Variants in GBGT1 observed in about 807,000 individuals in gnomAD.
GBGT1 encodes the protein globoside alpha-1,3-N-acetylgalactosaminyltransferase 1 (FORS blood group).
A neutral mutation model predicts 20.9 loss-of-function variants in GBGT1; 18 were observed. The ratio of observed to expected loss-of-function variants is 0.86; its 90% confidence interval spans 0.60 to 1.28. GBGT1 has a LOEUF of 1.28. Ranked by LOEUF, GBGT1 falls within the 50% of genes most tolerant of loss-of-function variation. GBGT1 has a pLI of 0.00. For synonymous variants in GBGT1, 168 were observed against 180.8 expected (o/e 0.93, Z 0.57); for missense variants, 432 against 455.7 (o/e 0.95, Z 0.47).
At position 133,155,322 on chromosome 9, in the gene GBGT1, G is replaced by T. The variant is rs1271490934; in HGVS notation, c.225-10C>A. ...CAGCAGCTGTGTGGGCCTGGCAGCA[G>T]GGGGGCCGTGGGCACTGAGACCCTC... On this transcript the variant is annotated splice_polypyrimidine_tract_variant and intron_variant, in intron 5 of 6. Transcript: ENST00000372040. 6.2e-7 allele frequency: 1 copy of T among 1,613,096 alleles called. No individual in the cohort carries two copies. Among genetic ancestry groups the T allele is most frequent in the East Asian group, 2.2e-5 (1 of 44,884 alleles).
intron 3 of GBGT1, among the ~76,000 whole-genome samples, chr9:133,157,794 T>C (rs1204979532): frequency 2.0e-5 from 3 of 152,144 alleles, no homozygotes; most frequent in African/African-American, 7.2e-5. Flanking sequence ...ATCCACAAAA[T>C]GGGGACAATA....
intron 3 of GBGT1, among the ~76,000 whole-genome samples, chr9:133,159,822 A>G (rs2100143443): frequency 6.6e-6 from 1 of 151,992 alleles, no homozygotes; most frequent in South Asian, 2.1e-4. Flanking sequence ...CACACAAGAT[A>G]GACAAACTGG....
intron 2 of GBGT1, 113 bp from the exon 3 acceptor site, chr9:133,161,645 C>T (rs1833048387): frequency 4.4e-6 from 3 of 677,310 alleles, no homozygotes; most frequent in Admixed American, 2.7e-5. Flanking sequence ...ATTAGGAGGC[C>T]AGGTCCCCTG....
chr9:133,155,424 G>C, intron 5 of GBGT1, 112 bp from the exon 6 acceptor site: 1 of 1,270,268 alleles, frequency 7.9e-7, no homozygotes, highest in South Asian at 1.3e-5. Context: ...CCCCATCTCT[G>C]GGCCTCCCTT....
At chr9:133,157,284 T>A (rs35637464) in intron 3 of GBGT1, among the ~76,000 whole-genome samples, 11,343 of 137,874 alleles carry the variant, frequency 0.082, 453 homozygotes, top group Middle Eastern at 0.15. Context: ...TGAGACCCTG[T>A]CTCAAAAAAA....
chr9:133,160,916 A>G (rs7869570), intron 3 of GBGT1: 57,129 of 252,596 alleles, frequency 0.23, 7,753 homozygotes, highest in East Asian at 0.58. Context: ...AGGCTGAGAC[A>G]GGACAATCTC....
intron 3 of GBGT1, chr9:133,161,092 AT>A (rs1205528128): frequency 2.5e-6 from 1 of 398,014 alleles, no homozygotes; most frequent in Non-Finnish European, 4.4e-6. Flanking sequence ...GGAACACAAA[AT>A]TGAGCAACAA....
At chr9:133,162,645 A>T in intron 1 of GBGT1, 113 bp from the exon 2 acceptor site, 1 of 546,548 alleles carries the variant, frequency 1.8e-6, no homozygotes, top group Middle Eastern at 4.9e-4. Context: ...GGTTCAAGCG[A>T]TTCTCTTGTC....
chr9:133,163,102 G>A (rs1014297584), intron 1 of GBGT1: 1 of 152,618 alleles, frequency 6.6e-6, no homozygotes, highest in African/African-American at 2.4e-5. Flanking sequence ...CATTGTCAGA[G>A]GTGAGCCGAG....
rs78657678 is a variant in GBGT1, at chr9:133,161,312, C to T, written c.137+155G>A. On this transcript the variant is annotated intron_variant, in intron 3 of 6. Transcript: ENST00000372040. The stretch of plus-strand genomic sequence containing the variant: ...TGGGAATTTCACTTCACGCTTGTCA[C>T]AGCCCTTAAATTACATAAATACTAT... 2,821 of 555,518 alleles carry T rather than the reference C, an allele frequency of 5.1e-3. 61 individuals carry two copies. The highest frequency in any genetic ancestry group is 0.047 in the African/African-American group (2,487 of 52,654). The allele number at this position is 555,518 out of a possible 1,614,324, so 34.4% of individuals were successfully genotyped here.
rs759200887 is a variant in GBGT1 at position 133,154,138 on chromosome 9, G to A, written c.483C>T (p.Pro161=). The change falls in exon 7 of 7, where the codon CCC becomes CCT. Residue 161 remains proline, a synonymous_variant. Transcript: ENST00000372040. This position sits in a 1 kb window ranked among gnomAD's most constrained non-coding sequence, Gnocchi z 4.2. The part of the protein sequence containing the change: ...PAAVPGVPLG[P]HRLLSSIPIQ... The stretch of plus-strand genomic sequence containing the variant: ...TGGGGATGGAGCTGAGAAGCCGGTG[G>A]GGACCCAGCGGGACCCCGGGAACGG... 1.2e-6 allele frequency: 2 copies of A among 1,600,212 alleles called. No homozygotes were observed. Among genetic ancestry groups the A allele is most frequent in the South Asian group, 1.1e-5 (1 of 90,838 alleles).
At position 133,153,349 on chromosome 9, in the gene GBGT1, G is replaced by C. The variant is rs972076822; in HGVS notation, c.*228C>G. 5.2e-6 allele frequency: 2 copies of C among 386,862 alleles called. No individual in the cohort carries two copies. The highest frequency in any genetic ancestry group is 4.1e-5 in the African/African-American group (2 of 48,350). 24.0% of individuals were successfully genotyped at this position (386,862 alleles called of 1,614,324 possible). On this transcript the variant is annotated 3_prime_UTR_variant, in exon 7 of 7. Transcript: ENST00000372040. ...CCTGCCGGGCCCTGCCTTTGTAACT[G>C]CGCCTCCCCTCCCCCTGTCTCACTG...
At position 133,153,365 on chromosome 9, in the gene GBGT1, T is replaced by A. The variant is rs1832761737; in HGVS notation, c.*212A>T. 5.1e-6 allele frequency: 2 copies of A among 394,278 alleles called. No individual in the cohort carries two copies. Among genetic ancestry groups the A allele is most frequent in the Non-Finnish European group, 9.0e-6 (2 of 223,140 alleles). 24.4% of individuals were successfully genotyped at this position (394,278 alleles called of 1,614,324 possible). On this transcript the variant is annotated 3_prime_UTR_variant, in exon 7 of 7. Coordinates refer to ENST00000372040, the MANE Select transcript of GBGT1 (RefSeq NM_021996.6). ...TTTGTAACTGCGCCTCCCCTCCCCC[T>A]GTCTCACTGTTCCCATGCCGCGTTA...
intron 3 of GBGT1, chr9:133,161,187 G>C (rs1833032692): frequency 4.7e-6 from 2 of 429,562 alleles, no homozygotes; most frequent in Non-Finnish European, 4.1e-6. Flanking sequence ...TTTGCACTCT[G>C]TGTTCTCAGT....
chr9:133,155,381 G>A (rs1390785941), intron 5 of GBGT1, 69 bp from the exon 6 acceptor site: 1 of 1,587,424 alleles, frequency 6.3e-7, no homozygotes, highest in Admixed American at 1.7e-5. Flanking sequence ...CCCAGCCCTG[G>A]CTCTCACACT....
rs1212411446 is a variant in GBGT1, at chr9:133,154,848, G to A, written c.359+330C>T. 1 of 255,090 alleles carries A rather than the reference G, an allele frequency of 3.9e-6. No individual in the cohort carries two copies. Among genetic ancestry groups the A allele is most frequent in the Non-Finnish European group, 7.5e-6 (1 of 134,064 alleles). 15.8% of individuals were successfully genotyped at this position (255,090 alleles called of 1,614,324 possible). A position where few individuals can be genotyped will look rare whatever the true frequency, so the allele number is the denominator to read the frequency against. On this transcript the variant is annotated intron_variant, in intron 6 of 6. Coordinates refer to ENST00000372040, the MANE Select transcript of GBGT1 (RefSeq NM_021996.6). This position sits in a 1 kb window ranked among gnomAD's most constrained non-coding sequence, Gnocchi z 4.2. ...AGGCTGCCAAGCGGCAGCTCCTAAA[G>A]GAAGGCCAGGTGGGGTCATGGGAGA...
chr9:133,159,385 G>A (rs1469313377), intron 3 of GBGT1, among the ~76,000 whole-genome samples: 3 of 152,222 alleles, frequency 2.0e-5, no homozygotes, highest in African/African-American at 4.8e-5. Flanking sequence ...TCCAAGAAGC[G>A]GTCAGGAGTT....
intron 1 of GBGT1, chr9:133,162,991 C>G (rs1833101553): frequency 6.4e-6 from 1 of 155,656 alleles, no homozygotes; most frequent in South Asian, 1.9e-4. Context: ...CGGTGCTCAG[C>G]TGTTGCTTCC....
Position 133,153,754 on chromosome 9 carries a change from A to T in GBGT1, c.867T>A (p.Asn289Lys). 6.2e-7 allele frequency: 1 copy of T among 1,612,508 alleles called. No individual in the cohort carries two copies. Residue 289 changes from asparagine to lysine, a missense_variant, in exon 7 of 7, where the codon AAT becomes AAA. Asn to Lys is a moderately conservative substitution (Grantham distance 94). Transcript: ENST00000372040. The stretch of plus-strand genomic sequence containing the variant: ...CCTCCCGCCAGGCAGCCATGATGCC[A>T]TTGGCCTTGTCCGCCAGGATGGCCA... ...CHMAILADKANGIMAAWREES... is the reference protein window; with the variant it reads ...CHMAILADKAKGIMAAWREES...
Sources: allele counts gnomAD v4.1 joint callset (sites outside exome capture counted in the v4.1 genomes callset), GRCh38; gene constraint gnomAD v4.1.1; non-coding constraint Gnocchi (gnomAD v3.1); transcripts MANE v1.5; gene names NCBI Gene and HGNC (gene_info 2026-07-23, HGNC 2026-07-21).